TYR: variants seen among roughly 807,000 people sequenced by gnomAD.
TYR encodes LB24-AB.
TYR carries 58 observed loss-of-function variants against 51.5 expected under a neutral mutation model. The observed-to-expected ratio is 1.13, with a 90% CI of 0.91 to 1.40. TYR has a LOEUF of 1.40. Ranked by LOEUF, TYR falls within the 40% of genes most tolerant of loss-of-function variation. TYR has a pLI of 0.00. For missense variants in TYR, 732 were observed against 647.4 expected (o/e 1.13, Z -1.42); for synonymous variants, 263 against 235.2 (o/e 1.12, Z -1.08).
Position 89,178,534 on chromosome 11 carries a change from T to C in TYR, c.581T>C (p.Ile194Thr). The change falls in exon 1 of 5, where the codon ATC becomes ACC. Residue 194 changes from isoleucine (I) to threonine (T), a missense_variant. Coordinates refer to ENST00000263321, the MANE Select transcript of TYR (RefSeq NM_000372.5). ...SMDALLGGSE[I>T]WRDIDFAHEA... ...GATGCACTGCTTGGGGGATCTGAAA[T>C]CTGGAGAGACATTGATTTTGCCCAT... The C allele has an allele frequency of 1.2e-6, 2 of 1,614,168 alleles. No individual in the cohort carries two copies. Among genetic ancestry groups the C allele is most frequent in the Non-Finnish European group, 8.5e-7 (1 of 1,180,022 alleles).
intron 2 of TYR, among the ~76,000 whole-genome samples, chr11:89,218,509 A>T (rs564951430): frequency 6.6e-6 from 1 of 152,290 alleles, no homozygotes; most frequent in South Asian, 2.1e-4. Context: ...TTTATGGATG[A>T]TCTGATATCA....
At chr11:89,279,203 T>A (rs1471014482) in intron 3 of TYR, among the ~76,000 whole-genome samples, 1 of 151,680 alleles carries the variant, frequency 6.6e-6, no homozygotes, top group East Asian at 2.0e-4. Flanking sequence ...CTAGACTCCC[T>A]CTTCCCCAAG....
intron 1 of TYR, among the ~76,000 whole-genome samples, chr11:89,187,682 C>T (rs1943393125): frequency 6.6e-6 from 1 of 152,036 alleles, no homozygotes; most frequent in Admixed American, 6.6e-5. Flanking sequence ...AGCCACTTAA[C>T]CTCTATAAGC....
intron 4 of TYR, among the ~76,000 whole-genome samples, 154 bp downstream of exon 4, chr11:89,285,108 C>T (rs1944768444): frequency 6.6e-6 from 1 of 151,654 alleles, no homozygotes; most frequent in South Asian, 2.1e-4. Context: ...AGTTTATTAT[C>T]ACAGGAATCA....
At chr11:89,202,320 G>A (rs1359996297) in intron 2 of TYR, among the ~76,000 whole-genome samples, 1 of 151,944 alleles carries the variant, frequency 6.6e-6, no homozygotes, top group Non-Finnish European at 1.5e-5. Flanking sequence ...TCAACAGAAT[G>A]AGGTCCACAC....
intron 2 of TYR, among the ~76,000 whole-genome samples, chr11:89,218,648 A>C (rs950684310): frequency 1.1e-4 from 17 of 152,204 alleles, no homozygotes; most frequent in Non-Finnish European, 2.4e-4. Context: ...TAATAACAAC[A>C]GTTAACATCA....
intron 2 of TYR, among the ~76,000 whole-genome samples, chr11:89,214,738 A>C (rs1943811185): frequency 6.6e-6 from 1 of 152,114 alleles, no homozygotes. Flanking sequence ...ACCCACTGAA[A>C]TAGCACCAAA....
At chr11:89,210,951 T>C (rs958430859) in intron 2 of TYR, among the ~76,000 whole-genome samples, 1 of 152,068 alleles carries the variant, frequency 6.6e-6, no homozygotes, top group Non-Finnish European at 1.5e-5. Context: ...TTACAAGAAC[T>C]CCTGAAGGAA....
chr11:89,285,586 G>C (rs1294870035), intron 4 of TYR, among the ~76,000 whole-genome samples: 1 of 151,750 alleles, frequency 6.6e-6, no homozygotes. Flanking sequence ...AACCATGTCA[G>C]TATCTTCTTG....
intron 2 of TYR, among the ~76,000 whole-genome samples, chr11:89,204,454 C>T (rs1008878029): frequency 7.9e-5 from 12 of 151,330 alleles, no homozygotes; most frequent in South Asian, 2.1e-4. Flanking sequence ...TGTAAAGTAG[C>T]GTGATCTCAG....
At chr11:89,185,630 C>T (rs1943361238) in intron 1 of TYR, among the ~76,000 whole-genome samples, 1 of 152,122 alleles carries the variant, frequency 6.6e-6, no homozygotes, top group Non-Finnish European at 1.5e-5. Flanking sequence ...ACAATGTTAT[C>T]TCCCTAGTGG....
At chr11:89,216,935 T>C (rs1235530944) in intron 2 of TYR, among the ~76,000 whole-genome samples, 1 of 152,168 alleles carries the variant, frequency 6.6e-6, no homozygotes, top group Non-Finnish European at 1.5e-5. Context: ...TAGCTTAAAC[T>C]GGAAGATGTT....
intron 2 of TYR, among the ~76,000 whole-genome samples, chr11:89,224,802 T>A (rs1279356209): frequency 6.6e-6 from 1 of 152,190 alleles, no homozygotes; most frequent in African/African-American, 2.4e-5. Context: ...CATGTATAAC[T>A]TTAATTACTA....
At chr11:89,228,655 G>T (rs1235301005) in intron 3 of TYR, among the ~76,000 whole-genome samples, 1 of 152,072 alleles carries the variant, frequency 6.6e-6, no homozygotes, top group African/African-American at 2.4e-5. Flanking sequence ...TCTTCCACTG[G>T]CCTGAATAGT....
chr11:89,209,089 G>A (rs541677444), intron 2 of TYR, among the ~76,000 whole-genome samples: 14 of 152,238 alleles, frequency 9.2e-5, no homozygotes, highest in East Asian at 3.9e-4. Flanking sequence ...GGGACTGGTC[G>A]GACAGTGGGT....
At chr11:89,190,297 C>A (rs1943425734) in intron 1 of TYR, among the ~76,000 whole-genome samples, 1 of 152,078 alleles carries the variant, frequency 6.6e-6, no homozygotes, top group Admixed American at 6.6e-5. Flanking sequence ...TCCATGTGTA[C>A]TATTGCCCCT....
intron 4 of TYR, among the ~76,000 whole-genome samples, chr11:89,289,917 A>C (rs1274317118): frequency 1.3e-5 from 2 of 152,044 alleles, no homozygotes; most frequent in African/African-American, 4.8e-5. Flanking sequence ...TTCTATCATG[A>C]TAAGAATCAA....
chr11:89,243,309 G>A (rs1944223838), intron 3 of TYR, among the ~76,000 whole-genome samples: 1 of 152,064 alleles, frequency 6.6e-6, no homozygotes, highest in African/African-American at 2.4e-5. Context: ...CCACTCACTG[G>A]ACACTTCAGC....
intron 2 of TYR, among the ~76,000 whole-genome samples, chr11:89,217,734 C>T (rs1248134033): frequency 1.3e-5 from 2 of 152,174 alleles, no homozygotes; most frequent in South Asian, 2.1e-4. Context: ...TGGCCTGCCT[C>T]ATTTTCACTG....
Sources: gnomAD v4.1 joint callset for allele counts (sites outside exome capture counted in the v4.1 genomes callset) on GRCh38, gnomAD v4.1.1 for gene constraint, MANE v1.5 for transcripts, NCBI Gene and HGNC (gene_info 2026-07-23, HGNC 2026-07-21) for gene names.